DPYSL4: variants seen among roughly 807,000 people sequenced by gnomAD.
The protein encoded by DPYSL4 is dihydropyrimidinase like 4, also known as dihydropyrimidinase-related protein 4.
DPYSL4 carries 43 observed loss-of-function variants against 63.4 expected under a neutral mutation model. The observed-to-expected ratio is 0.68, with a 90% CI of 0.53 to 0.88. The LOEUF (loss-of-function observed/expected upper bound fraction) is 0.88, where lower values mean the gene tolerates loss of function less well. Ranked by LOEUF, DPYSL4 falls within the 40% of genes least tolerant of loss-of-function variation. The pLI is 0.00. For synonymous variants in DPYSL4, 353 were observed against 331.7 expected, an observed-to-expected ratio of 1.06 and a Z score of -0.70; for missense variants, 733 against 819.5, an observed-to-expected ratio of 0.89 and a Z score of 1.29.
At chr10:132,203,514 C>T (rs1235364143) in intron 12 of DPYSL4, 1 of 539,584 alleles carries the variant, frequency 1.9e-6, no homozygotes, top group African/African-American at 1.9e-5. Context: ...TTTGCACACA[C>T]ATGCAGATGG....
In DPYSL4 at chr10:132,205,003, C is replaced by T. The variant is rs925289738; in HGVS notation, c.*73C>T. ...CGGGGGCCCCAGGGCACTCGCCCCCCTCCTTAGCATTTTCTTTTGTAGAAG... is the reference window on the plus strand; with the variant it reads ...CGGGGGCCCCAGGGCACTCGCCCCCTTCCTTAGCATTTTCTTTTGTAGAAG... On this transcript the variant is annotated 3_prime_UTR_variant, in exon 14 of 14. Transcript: ENST00000338492. 1 of 1,234,280 alleles carries T rather than the reference C, an allele frequency of 8.1e-7. No homozygotes were observed. The highest frequency in any genetic ancestry group is 1.1e-6 in the Non-Finnish European group (1 of 885,290). 76.5% of individuals were successfully genotyped at this position (1,234,280 alleles called of 1,614,324 possible). A position where few individuals can be genotyped will look rare whatever the true frequency, so the allele number is the denominator to read the frequency against.
chr10:132,204,600 G>A (rs771544735), intron 13 of DPYSL4, among the ~76,000 whole-genome samples: 2 of 152,110 alleles, frequency 1.3e-5, no homozygotes, highest in Non-Finnish European at 2.9e-5. Flanking sequence ...AGGGCTTCCT[G>A]CAGCCCACAG....
Position 132,188,637 on chromosome 10 carries a change from A to G in DPYSL4, c.39+1535A>G, listed in dbSNP as rs148758532. On this transcript the variant is annotated intron_variant, in intron 1 of 13. Coordinates refer to ENST00000338492, the MANE Select transcript of DPYSL4 (RefSeq NM_006426.3). The stretch of plus-strand genomic sequence containing the variant: ...CCAAGGGTCTAAAACTTCTTCCACA[A>G]CCAGCCCGAGAGTAAATGTTGTCAG... Among the ~76,000 whole-genome samples, 91 of 152,268 alleles carry G rather than the reference A, an allele frequency of 6.0e-4. 2 individuals carry two copies. The East Asian group carries it at 0.013, about 21-fold the overall frequency.
chr10:132,194,078 C>T (rs1271808761), intron 3 of DPYSL4, among the ~76,000 whole-genome samples: 1 of 152,020 alleles, frequency 6.6e-6, no homozygotes, highest in Admixed American at 6.6e-5. Flanking sequence ...ACACCACAGA[C>T]ACGAGGCTGG....
At chr10:132,200,600 C>CGG (rs1273114659) in intron 9 of DPYSL4, 88 bp downstream of exon 9, 9 of 1,531,568 alleles carry the variant, frequency 5.9e-6, no homozygotes, top group Non-Finnish European at 7.9e-6. Context: ...GCCTCTCCCA[C>CGG]GGCTCCCATA....
intron 13 of DPYSL4, 52 bp from the exon 14 acceptor site, chr10:132,204,787 G>A: frequency 2.7e-6 from 4 of 1,503,596 alleles, no homozygotes; most frequent in Non-Finnish European, 3.6e-6. Flanking sequence ...TTGAATAGAA[G>A]GGCCCCTGCC....
rs1345072460 is a variant in DPYSL4 at position 132,204,984 on chromosome 10, C to A, written c.*54C>A. ...CTGGCCCCACCCGAGGCCGCGGGGG[C>A]CCCAGGGCACTCGCCCCCCTCCTTA... On this transcript the variant is annotated 3_prime_UTR_variant, in exon 14 of 14. Transcript: ENST00000338492. 8 of 1,434,902 alleles carry A rather than the reference C, an allele frequency of 5.6e-6. No individual in the cohort carries two copies. In the African/African-American group the frequency reaches 8.6e-5, roughly 15 times the overall value. The allele number at this position is 1,434,902 out of a possible 1,614,324, so 88.9% of individuals were successfully genotyped here. A position where few individuals can be genotyped will look rare whatever the true frequency, so the allele number is the denominator to read the frequency against.
intron 3 of DPYSL4, among the ~76,000 whole-genome samples, chr10:132,194,159 G>A (rs1304155964): frequency 1.3e-5 from 2 of 152,372 alleles, no homozygotes; most frequent in Admixed American, 1.3e-4. Flanking sequence ...CAGGGAGGCT[G>A]GGTGCCCACT....
chr10:132,193,084 G>A (rs765294413), intron 3 of DPYSL4, among the ~76,000 whole-genome samples: 2 of 152,122 alleles, frequency 1.3e-5, no homozygotes, highest in East Asian at 1.9e-4. Flanking sequence ...AGTGACTGAC[G>A]TGTGTCCACT....
chr10:132,196,682 C>T (rs1318929562), intron 4 of DPYSL4, among the ~76,000 whole-genome samples, 179 bp from the exon 5 acceptor site: 6 of 152,234 alleles, frequency 3.9e-5, no homozygotes, highest in Non-Finnish European at 8.8e-5. Flanking sequence ...CCTCACTTCC[C>T]AGCTTGCTGG....
rs767449073 is a variant in DPYSL4 at position 132,190,776 on chromosome 10, G to A, written c.69G>A (p.Arg23=). ...ACCGCCTTCTGATCAGAGGTGGGAG[G>A]ATCGTGAATGACGACCAGTCCTTTT... ...TSDRLLIRGG[R]IVNDDQSFYA... The change falls in exon 2 of 14, where the codon AGG becomes AGA. Residue 23 remains arginine (R), a synonymous_variant. Coordinates refer to ENST00000338492, the MANE Select transcript of DPYSL4 (RefSeq NM_006426.3). 1 of 1,613,754 alleles carries A rather than the reference G, an allele frequency of 6.2e-7. No homozygotes were observed. The highest frequency in any genetic ancestry group is 1.7e-5 in the Admixed American group (1 of 60,022).
chr10:132,200,259 A>G (rs775546860), intron 8 of DPYSL4, 97 bp from the exon 9 acceptor site: 2 of 1,463,692 alleles, frequency 1.4e-6, no homozygotes, highest in Non-Finnish European at 1.9e-6. Flanking sequence ...AGGCAAGGAA[A>G]GTGAGGGGCA....
At position 132,200,750 on chromosome 10, in the gene DPYSL4, C is replaced by T. The variant is rs538233360; in HGVS notation, c.969-92C>T. ...GAGAGCCACTCAGATGACCTCTAGC[C>T]CCTGCGGCTGTGCTGGCCAAGGGGG... On this transcript the variant is annotated intron_variant, in intron 9 of 13. Coordinates refer to ENST00000338492, the MANE Select transcript of DPYSL4 (RefSeq NM_006426.3). 1.1e-5 allele frequency: 17 copies of T among 1,518,122 alleles called. No individual in the cohort carries two copies. In the South Asian group the frequency reaches 2.2e-4, roughly 20 times the overall value. The allele number at this position is 1,518,122 out of a possible 1,614,324, so 94.0% of individuals were successfully genotyped here. A position where few individuals can be genotyped will look rare whatever the true frequency, so the allele number is the denominator to read the frequency against.
chr10:132,194,793 G>A, intron 3 of DPYSL4, 52 bp from the exon 4 acceptor site: 1 of 1,591,634 alleles, frequency 6.3e-7, no homozygotes, highest in Non-Finnish European at 8.6e-7. Context: ...AGGAGGCAGA[G>A]GTGGGAACCA....
At chr10:132,194,806 G>T in intron 3 of DPYSL4, 39 bp from the exon 4 acceptor site, 1 of 1,600,662 alleles carries the variant, frequency 6.2e-7, no homozygotes, top group South Asian at 1.1e-5. Flanking sequence ...GGGAACCAGG[G>T]ACCAGTGGGG....
intron 1 of DPYSL4, among the ~76,000 whole-genome samples, chr10:132,187,882 G>C (rs896973899): frequency 6.6e-6 from 1 of 152,182 alleles, no homozygotes; most frequent in African/African-American, 2.4e-5. Context: ...GAGGAAGGAG[G>C]CTTCGGGACC....
intron 8 of DPYSL4, 91 bp from the exon 9 acceptor site, chr10:132,200,265 G>C: frequency 6.7e-7 from 1 of 1,488,698 alleles, no homozygotes; most frequent in Non-Finnish European, 9.2e-7. Context: ...GGAAAGTGAG[G>C]GGCAGTCGTG....
At chr10:132,195,676 T>C (rs907972378) in intron 4 of DPYSL4, among the ~76,000 whole-genome samples, 1 of 152,120 alleles carries the variant, frequency 6.6e-6, no homozygotes, top group Admixed American at 6.5e-5. Context: ...TGGGTTCCCA[T>C]TCCTCAGAGG....
chr10:132,193,953 C>T (rs374299698), intron 3 of DPYSL4, among the ~76,000 whole-genome samples: 21 of 152,252 alleles, frequency 1.4e-4, no homozygotes, highest in Non-Finnish European at 2.6e-4. Context: ...GGCCACTGCT[C>T]GCGCCCTTCA....
Sources: gnomAD v4.1 joint callset for allele counts (sites outside exome capture counted in the v4.1 genomes callset) on GRCh38, gnomAD v4.1.1 for gene constraint, MANE v1.5 for transcripts, NCBI Gene and HGNC (gene_info 2026-07-23, HGNC 2026-07-21) for gene names.